TXNL4A: variants seen among roughly 807,000 people sequenced by gnomAD.
TXNL4A encodes thioredoxin like 4A.
Under a neutral mutation model 14.6 loss-of-function variants are expected in TXNL4A, and 17 were observed. The ratio of observed to expected loss-of-function variants is 1.16; its 90% CI spans 0.80 to 1.74. The LOEUF is 1.74. Among genes scored for constraint, TXNL4A ranks in the 40% most tolerant of loss-of-function variants. The pLI is 0.00. For missense variants in TXNL4A, 74 were observed against 195.2 expected, an observed-to-expected ratio of 0.38 and a Z score of 3.70; for synonymous variants, 83 against 70.6, an observed-to-expected ratio of 1.18 and a Z score of -0.88.
intron 1 of TXNL4A, among the ~76,000 whole-genome samples, chr18:80,003,674 T>C (rs751036123): frequency 5.3e-5 from 8 of 152,218 alleles, no homozygotes; most frequent in Non-Finnish European, 1.2e-4. Flanking sequence ...TTATTGGAGA[T>C]GGTGTATTTG....
chr18:80,011,205 G>C lies in TXNL4A; in HGVS notation c.-61+22646C>G, dbSNP rs1290144869. ...ATAAGGAAAAGAGGTTTTCGTAGGG[G>C]AGCTAACCAGGCCCAAAACCAAGAC... On this transcript the variant is annotated intron_variant, in intron 1 of 2. Transcript: ENST00000585474. This position sits in a 1 kb window ranked among gnomAD's most constrained non-coding sequence, Gnocchi z 4.1. Among the ~76,000 whole-genome samples the C allele has an allele frequency of 6.6e-6, 1 of 152,162 alleles. No individual in the cohort carries two copies. The highest frequency in any genetic ancestry group is 1.5e-5 in the Non-Finnish European group (1 of 68,026).
chr18:80,024,871 G>T (rs1208431148), intron 1 of TXNL4A, among the ~76,000 whole-genome samples: 1 of 152,062 alleles, frequency 6.6e-6, no homozygotes, highest in Non-Finnish European at 1.5e-5. Context: ...GCACATTTTG[G>T]GTCCGACATA....
chr18:80,004,572 T>A (rs2051717578), intron 1 of TXNL4A, among the ~76,000 whole-genome samples: 1 of 152,030 alleles, frequency 6.6e-6, no homozygotes, highest in African/African-American at 2.4e-5. Flanking sequence ...CTTTGCTGGT[T>A]GAAGAGGAAA....
chr18:80,004,190 T>C (rs1423265229), intron 1 of TXNL4A, among the ~76,000 whole-genome samples: 1 of 150,748 alleles, frequency 6.6e-6, no homozygotes, highest in East Asian at 2.0e-4. Flanking sequence ...TGGGGCAGGG[T>C]TGGCAGGTAA....
At chr18:79,975,150 G>A (rs867424073) in intron 2 of TXNL4A, among the ~76,000 whole-genome samples, 3 of 151,970 alleles carry the variant, frequency 2.0e-5, no homozygotes, top group South Asian at 2.1e-4. Context: ...GTACTTCTTC[G>A]GTATTTATAT....
chr18:79,983,927 C>T (rs2051502813), intron 1 of TXNL4A, among the ~76,000 whole-genome samples: 1 of 152,154 alleles, frequency 6.6e-6, no homozygotes, highest in Admixed American at 6.5e-5. Context: ...TAGCTAGAGT[C>T]TGCACCCTCA....
At chr18:80,017,205 T>C (rs1317299329) in intron 1 of TXNL4A, among the ~76,000 whole-genome samples, 2 of 152,104 alleles carry the variant, frequency 1.3e-5, no homozygotes, top group African/African-American at 4.8e-5. Context: ...TTTTTGTACA[T>C]TGATTTTGTA....
At chr18:79,991,129 CTT>C (rs1236027382), upstream of TXNL4A, among the ~76,000 whole-genome samples, 2 of 122,834 alleles carry the variant, frequency 1.6e-5, no homozygotes, top group Non-Finnish European at 3.6e-5. Context: ...AAAAAAAAAA[CTT>C]TTGTTGAGAT....
rs746566005 is a variant in TXNL4A, at chr18:79,973,760, C to G, written c.354G>C (p.Thr118=). 18 of 1,614,186 alleles carry G rather than the reference C, an allele frequency of 1.1e-5. No individual in the cohort carries two copies. The South Asian group carries it at 2.0e-4, about 18-fold the overall frequency. The change falls in exon 3 of 3, where the codon ACG becomes ACC. Residue 118 remains threonine (T), a synonymous_variant. Coordinates refer to ENST00000269601, the MANE Select transcript of TXNL4A (RefSeq NM_006701.5). ...GGCCTTTGCGGGCCCCGCGGTACAC[C>G]GTCTCGATGATGTCCACCATCTCCT... is the stretch of plus-strand genomic sequence containing the variant. ...DKQEMVDIIE[T]VYRGARKGRG... is the part of the protein sequence containing the mutation.
chr18:80,030,859 TGGCAGGCTGA>T (rs1473694945), intron 1 of TXNL4A, among the ~76,000 whole-genome samples: 3 of 152,086 alleles, frequency 2.0e-5, no homozygotes, highest in African/African-American at 7.2e-5. Flanking sequence ...CCCAGCTACT[TGGCAGGCTGA>T]GGCAGGAGAA....
chr18:80,009,157 T>C (rs2051752819), intron 1 of TXNL4A, among the ~76,000 whole-genome samples: 1 of 152,208 alleles, frequency 6.6e-6, no homozygotes, highest in African/African-American at 2.4e-5. Flanking sequence ...TTAAGTCTGT[T>C]GAAGGCAATT....
intron 1 of TXNL4A, among the ~76,000 whole-genome samples, chr18:80,032,733 G>A (rs1054904680): frequency 3.7e-4 from 57 of 152,178 alleles, no homozygotes; most frequent in Non-Finnish European, 6.8e-4. Context: ...CCAGCTACAC[G>A]AGAGGCTGAG....
At chr18:80,006,478 A>G (rs8093420) in intron 1 of TXNL4A, among the ~76,000 whole-genome samples, 117,754 of 152,094 alleles carry the variant, frequency 0.77, 46,519 homozygotes, top group East Asian at 0.91. Flanking sequence ...TGGATTTTCC[A>G]TAGGAGCATT....
intron 1 of TXNL4A, among the ~76,000 whole-genome samples, chr18:80,025,689 C>A (rs115244754): frequency 0.012 from 1,823 of 152,278 alleles, 24 homozygotes; most frequent in African/African-American, 0.031. Context: ...CAGGTTTGCC[C>A]AAGAATTTGA....
chr18:80,026,989 G>T (rs1837248577), intron 1 of TXNL4A, among the ~76,000 whole-genome samples: 1 of 152,180 alleles, frequency 6.6e-6, no homozygotes, highest in African/African-American at 2.4e-5. Flanking sequence ...GGGGAGAAGA[G>T]AAGACATTGG....
chr18:80,022,598 G>C (rs765041990), intron 1 of TXNL4A, among the ~76,000 whole-genome samples: 3 of 152,200 alleles, frequency 2.0e-5, no homozygotes, highest in African/African-American at 7.2e-5. Context: ...CTTTAGAGTC[G>C]TAGGGTTAAA....
At chr18:80,007,392 CA>C (rs1417330370) in intron 1 of TXNL4A, among the ~76,000 whole-genome samples, 6 of 152,316 alleles carry the variant, frequency 3.9e-5, no homozygotes, top group African/African-American at 1.4e-4. Context: ...GGATACGTAA[CA>C]GGGGTGTCGT....
intron 1 of TXNL4A, among the ~76,000 whole-genome samples, chr18:80,021,649 A>C (rs1465434144): frequency 1.3e-5 from 2 of 152,306 alleles, no homozygotes; most frequent in East Asian, 3.9e-4. Context: ...AGCTTTATTA[A>C]CAAGATGGAG....
intron 1 of TXNL4A, among the ~76,000 whole-genome samples, chr18:80,019,841 G>C (rs898988244): frequency 6.6e-6 from 1 of 152,180 alleles, no homozygotes; most frequent in Non-Finnish European, 1.5e-5. Flanking sequence ...CTTACCCTCA[G>C]GGTGTGTGTT....
Sources: allele counts gnomAD v4.1 joint callset (sites outside exome capture counted in the v4.1 genomes callset), GRCh38; gene constraint gnomAD v4.1.1; non-coding constraint Gnocchi (gnomAD v3.1); transcripts MANE v1.5; gene names NCBI Gene and HGNC (gene_info 2026-07-23, HGNC 2026-07-21).